The following CERKL variants were observed in gnomAD, a reference collection of about 807,000 sequenced individuals.
The protein encoded by CERKL is ceramide kinase-like protein.
Under a neutral mutation model 63.4 loss-of-function variants are expected in CERKL, and 61 were observed. That is an observed-to-expected ratio of 0.96 (90% CI 0.78 to 1.19). The LOEUF (loss-of-function observed/expected upper bound fraction) is 1.19, where lower values mean the gene tolerates loss of function less well. Among genes scored for constraint, CERKL ranks in the 50% most tolerant of loss-of-function variants. CERKL has a pLI of 0.00. For synonymous variants in CERKL, 250 were observed against 230.5 expected, an observed-to-expected ratio of 1.08 and a Z score of -0.77; for missense variants, 675 against 655.5, an observed-to-expected ratio of 1.03 and a Z score of -0.33.
intron 1 of CERKL, among the ~76,000 whole-genome samples, chr2:181,630,951 GAAGA>G: frequency 6.6e-6 from 1 of 152,288 alleles, no homozygotes; most frequent in African/African-American, 2.4e-5. Flanking sequence ...TGTGGGCACT[GAAGA>G]ATATTTAACG....
rs549952530 is a variant in CERKL, at chr2:181,546,234, A to T, written c.1268+1384T>A. On this transcript the variant is annotated intron_variant, in intron 10 of 12. Transcript: ENST00000410087. ...CAGTGGAATTCTAGTCAAGCAGAAC[A>T]TTTATGGAGTGGCTTTGAAGGAGCT... Among the ~76,000 whole-genome samples the T allele has an allele frequency of 3.3e-5, 5 of 152,268 alleles. No homozygotes were observed. In the South Asian group the frequency reaches 8.3e-4, roughly 25 times the overall value.
chr2:181,542,630 CA>C (rs34005238), intron 11 of CERKL, among the ~76,000 whole-genome samples: 84,190 of 137,012 alleles, frequency 0.61, 24,057 homozygotes, highest in South Asian at 0.82. Flanking sequence ...GAATTCTTTG[CA>C]AAAAAAAAAA....
chr2:181,656,152 A>G (rs1168944182), intron 1 of CERKL, among the ~76,000 whole-genome samples: 4 of 152,216 alleles, frequency 2.6e-5, no homozygotes, highest in African/African-American at 9.6e-5. Context: ...CTGTGATCCA[A>G]TAATCTAGGG....
At chr2:181,655,122 G>T (rs1688102995) in intron 1 of CERKL, among the ~76,000 whole-genome samples, 1 of 152,058 alleles carries the variant, frequency 6.6e-6, no homozygotes, top group African/African-American at 2.4e-5. Flanking sequence ...ATGGTTTTAG[G>T]GCATAATTAA....
intron 1 of CERKL, among the ~76,000 whole-genome samples, chr2:181,654,894 C>A (rs1281032768): frequency 6.6e-6 from 1 of 152,160 alleles, no homozygotes; most frequent in African/African-American, 2.4e-5. Flanking sequence ...AAGCAATTCA[C>A]CTGCCTCAGC....
At chr2:181,627,703 G>C (rs907143648) in intron 1 of CERKL, among the ~76,000 whole-genome samples, 1 of 152,172 alleles carries the variant, frequency 6.6e-6, no homozygotes, top group Admixed American at 6.6e-5. Flanking sequence ...GATCCTGAGA[G>C]TTCAGCTATA....
At position 181,558,592 on chromosome 2, in the gene CERKL, T is replaced by C. The variant is rs561718044; in HGVS notation, c.794A>G (p.Gln265Arg). ...TGCTGGTATTAAGCCAAGTGGAAGC[T>C]GTGCTCTGACAGGAGTCAGGATTCG... ...TDRILTPVRA[Q>R]LPLGLIPAGS... The change falls in exon 5 of 13, where the codon CAG becomes CGG. Residue 265 changes from glutamine (Q) to arginine (R), a missense_variant. Physicochemically the swap from Gln to Arg is conservative, Grantham distance 43. Transcript: ENST00000410087. The surrounding 1 kb of genome is among the most constrained non-coding windows in gnomAD (Gnocchi z 4.2). The C allele has an allele frequency of 3.1e-6, 5 of 1,613,692 alleles. No individual in the cohort carries two copies. In the African/African-American group the frequency reaches 6.7e-5, roughly 22 times the overall value.
intron 1 of CERKL, among the ~76,000 whole-genome samples, chr2:181,636,797 C>A (rs376721000): frequency 6.6e-6 from 1 of 152,160 alleles, no homozygotes; most frequent in Non-Finnish European, 1.5e-5. Flanking sequence ...TTCCTGACTT[C>A]CCCCTCAGCC....
At chr2:181,564,490 G>A (rs915617536) in intron 4 of CERKL, among the ~76,000 whole-genome samples, 1 of 152,024 alleles carries the variant, frequency 6.6e-6, no homozygotes, top group South Asian at 2.1e-4. Flanking sequence ...AACAACACCT[G>A]CCATGAAAAA....
At chr2:181,575,506 A>T (rs1247010532) in intron 2 of CERKL, among the ~76,000 whole-genome samples, 1 of 151,952 alleles carries the variant, frequency 6.6e-6, no homozygotes, top group African/African-American at 2.4e-5. Flanking sequence ...AGTACAACAG[A>T]GTGTGTGAGA....
chr2:181,551,758 TATACAC>T (rs1419779142), intron 5 of CERKL, among the ~76,000 whole-genome samples: 1 of 152,120 alleles, frequency 6.6e-6, no homozygotes, highest in Non-Finnish European at 1.5e-5. Context: ...TTATACATCT[TATACAC>T]ATAGCCTGAA....
At chr2:181,562,949 T>C (rs1688510037) in intron 4 of CERKL, among the ~76,000 whole-genome samples, 1 of 152,144 alleles carries the variant, frequency 6.6e-6, no homozygotes, top group South Asian at 2.1e-4. Context: ...GTCTAATTAA[T>C]GGTGAAATGA....
chr2:181,651,295 A>T (rs1230457641), intron 1 of CERKL, among the ~76,000 whole-genome samples: 1 of 152,232 alleles, frequency 6.6e-6, no homozygotes, highest in East Asian at 1.9e-4. Flanking sequence ...AACCAAATCC[A>T]ACAGCACATT....
chr2:181,616,402 C>T (rs1156933391), intron 1 of CERKL, among the ~76,000 whole-genome samples: 1 of 151,672 alleles, frequency 6.6e-6, no homozygotes, highest in Non-Finnish European at 1.5e-5. Context: ...TTAGTAGAGA[C>T]GGTGTTTCAC....
intron 1 of CERKL, among the ~76,000 whole-genome samples, chr2:181,623,345 G>C (rs564388059): frequency 6.6e-6 from 1 of 152,226 alleles, no homozygotes; most frequent in South Asian, 2.1e-4. Context: ...AACCAGTTAG[G>C]CTACCAGGAA....
rs899608716 is a variant in CERKL at position 181,582,672 on chromosome 2, A to G, written c.482-8788T>C. Among the ~76,000 whole-genome samples the G allele has an allele frequency of 5.9e-5, 9 of 151,670 alleles. No individual in the cohort carries two copies. In the East Asian group the frequency reaches 1.6e-3, roughly 26 times the overall value. ...CGCCTCAGCCTCCCAAGTAGCTGGG[A>G]TTACTGGGATTACAGGTGCATGCCA... On this transcript the variant is annotated intron_variant, in intron 2 of 12. Transcript: ENST00000410087.
chr2:181,637,909 G>GAACAAAAAAAAAAATTGC (rs1043615813), intron 1 of CERKL, among the ~76,000 whole-genome samples: 2 of 150,884 alleles, frequency 1.3e-5, no homozygotes, highest in African/African-American at 4.9e-5. Flanking sequence ...TACACTCTAT[G>GAACAAAAAAAAAAATTGC]AACAAAAAAA....
At chr2:181,620,834 T>C (rs1019540522) in intron 1 of CERKL, among the ~76,000 whole-genome samples, 1 of 152,186 alleles carries the variant, frequency 6.6e-6, no homozygotes, top group African/African-American at 2.4e-5. Flanking sequence ...CATCCAAAAG[T>C]AAGCTTCAAA....
intron 6 of CERKL, among the ~76,000 whole-genome samples, chr2:181,549,173 A>G (rs1232630146): frequency 6.6e-6 from 1 of 152,216 alleles, no homozygotes; most frequent in Non-Finnish European, 1.5e-5. Context: ...GTTTAGTGTT[A>G]CATATACCTG....
Sources: gnomAD v4.1 joint callset for allele counts (sites outside exome capture counted in the v4.1 genomes callset) on GRCh38, gnomAD v4.1.1 for gene constraint, Gnocchi (gnomAD v3.1) non-coding constraint, MANE v1.5 for transcripts, NCBI Gene and HGNC (gene_info 2026-07-23, HGNC 2026-07-21) for gene names.